The following HECW1 variants were observed in gnomAD, a reference collection of about 807,000 sequenced individuals.
HECW1 encodes the protein HECT, C2 and WW domain containing E3 ubiquitin protein ligase 1, also known as E3 ubiquitin-protein ligase HECW1.
Under a neutral mutation model 182.3 loss-of-function variants are expected in HECW1, and 61 were observed. That is an observed-to-expected ratio of 0.33 (90% CI 0.27 to 0.41). The LOEUF (loss-of-function observed/expected upper bound fraction) is 0.41, where lower values mean the gene tolerates loss of function less well. Among genes scored for constraint, HECW1 ranks in the 10% least tolerant of loss-of-function variants. The pLI is 1.00. For missense variants in HECW1, 1,739 were observed against 2,108.9 expected (o/e 0.82, Z 3.44); for synonymous variants, 859 against 832.6 (o/e 1.03, Z -0.55).
chr7:43,165,766 T>G (rs1583781125), intron 2 of HECW1, among the ~76,000 whole-genome samples: 1 of 152,174 alleles, frequency 6.6e-6, no homozygotes, highest in African/African-American at 2.4e-5. Context: ...TTAAGACAAA[T>G]AAAGTTGAGA....
rs1444999504 is a variant in HECW1, at chr7:43,311,998, A to G, written c.263A>G (p.Tyr88Cys). 6.2e-7 allele frequency: 1 copy of G among 1,613,996 alleles called. No homozygotes were observed. The change falls in exon 4 of 30, where the codon TAT becomes TGT. Residue 88 changes from tyrosine to cysteine, a missense_variant. By Grantham distance (194) the Tyr-to-Cys change is radical. Coordinates refer to ENST00000395891, the MANE Select transcript of HECW1 (RefSeq NM_015052.5). ...ACGCTCATGGTCAGCAGCTCCTACT[A>G]TTCCATCGGGCACTCTCAGGACCTG... is the stretch of plus-strand genomic sequence containing the variant. Reference protein sequence around the residue: ...RSTLMVSSSYYSIGHSQDLVI... With the variant: ...RSTLMVSSSYCSIGHSQDLVI...
chr7:43,245,229 T>A (rs1380683782), intron 3 of HECW1: 1 of 152,164 alleles, frequency 6.6e-6, no homozygotes, highest in Non-Finnish European at 1.5e-5. Context: ...TTTTCACAAC[T>A]CAGAGCTCAG....
At chr7:43,201,596 C>T (rs1226605746) in intron 2 of HECW1, among the ~76,000 whole-genome samples, 19 of 152,236 alleles carry the variant, frequency 1.2e-4, no homozygotes. Flanking sequence ...ACTTAAGGTA[C>T]CCAAGTGGTA....
At position 43,445,357 on chromosome 7, in the gene HECW1, G is replaced by A. The variant is rs369348156; in HGVS notation, c.2185G>A (p.Glu729Lys). 1 of 1,613,770 alleles carries A rather than the reference G, an allele frequency of 6.2e-7. No individual in the cohort carries two copies. The highest frequency in any genetic ancestry group is 8.5e-7 in the Non-Finnish European group (1 of 1,180,028). Residue 729 changes from glutamate (E) to lysine (K), a missense_variant, in exon 11 of 30, where the codon GAG becomes AAG. This residue lies in a region of HECW1 where 971 missense variants were observed against 1,029.1 expected (regional missense o/e 0.94). Coordinates refer to ENST00000395891, the MANE Select transcript of HECW1 (RefSeq NM_015052.5). ...FSSVDSAKIS[E>K]STVFSSQDDE... The stretch of plus-strand genomic sequence containing the variant: ...CTCCGTGGACAGCGCCAAGATCTCC[G>A]AGAGCACGGTCTTCTCCTCGCAAGA...
intron 5 of HECW1, among the ~76,000 whole-genome samples, chr7:43,331,303 G>T (rs1450210194): frequency 1.3e-5 from 2 of 152,030 alleles, no homozygotes. Flanking sequence ...TGTAAGATCG[G>T]GGTGGGGCCA....
intron 3 of HECW1, among the ~76,000 whole-genome samples, chr7:43,296,699 A>G (rs1349194744): frequency 2.6e-5 from 4 of 152,190 alleles, no homozygotes; most frequent in African/African-American, 9.7e-5. Flanking sequence ...CTAATGGAAA[A>G]AAGTAAGGCT....
intron 2 of HECW1, among the ~76,000 whole-genome samples, chr7:43,142,448 A>T (rs1201806745): frequency 1.3e-5 from 2 of 152,138 alleles, no homozygotes; most frequent in Non-Finnish European, 2.9e-5. Context: ...AGCTGGGGGA[A>T]GTTACCTCCT....
At chr7:43,488,456 GAA>G (rs1263974771) in intron 17 of HECW1, among the ~76,000 whole-genome samples, 1 of 145,052 alleles carries the variant, frequency 6.9e-6, no homozygotes, top group African/African-American at 2.6e-5. Context: ...AAGAAAGAAA[GAA>G]AGAAAGAAAG....
chr7:43,407,746 C>A lies in HECW1; in HGVS notation c.801+15C>A. 6.3e-7 allele frequency: 1 copy of A among 1,588,190 alleles called. No individual in the cohort carries two copies. Among genetic ancestry groups the A allele is most frequent in the South Asian group, 1.1e-5 (1 of 88,984 alleles). On this transcript the variant is annotated intron_variant, in intron 8 of 29. Transcript: ENST00000395891. Reference sequence around the variant, plus strand: ...GGCAGGCCGAGGTGAGTGCTGTGGGCCCTGAAAAAAAGCCCAAGTAAAAGT... The same window carrying A: ...GGCAGGCCGAGGTGAGTGCTGTGGGACCTGAAAAAAAGCCCAAGTAAAAGT...
intron 24 of HECW1, among the ~76,000 whole-genome samples, chr7:43,529,925 C>T (rs1251138529): frequency 6.6e-6 from 1 of 151,882 alleles, no homozygotes; most frequent in African/African-American, 2.4e-5. Context: ...CCAGTGAACT[C>T]TTACCACTTT....
chr7:43,453,671 A>G, intron 12 of HECW1, among the ~76,000 whole-genome samples: 1 of 152,252 alleles, frequency 6.6e-6, no homozygotes, highest in African/African-American at 2.4e-5. Context: ...ATCAGGTTCT[A>G]TATTGTTCTT....
intron 7 of HECW1, among the ~76,000 whole-genome samples, chr7:43,401,085 C>T (rs989190097): frequency 6.6e-6 from 1 of 152,214 alleles, no homozygotes; most frequent in Admixed American, 6.5e-5. Context: ...AACTTAATCA[C>T]TCTGCAGAGT....
chr7:43,478,287 G>A (rs1273288822), intron 16 of HECW1, among the ~76,000 whole-genome samples: 1 of 152,122 alleles, frequency 6.6e-6, no homozygotes, highest in African/African-American at 2.4e-5. Flanking sequence ...GTGGGGGTGT[G>A]CACCTGTAAT....
intron 5 of HECW1, among the ~76,000 whole-genome samples, chr7:43,344,200 C>T (rs1278790195): frequency 6.6e-6 from 1 of 151,754 alleles, no homozygotes; most frequent in Non-Finnish European, 1.5e-5. Context: ...TTCTCCCATT[C>T]TGTAGGTTGC....
intron 9 of HECW1, 177 bp downstream of exon 9, chr7:43,438,322 A>C: frequency 1.9e-6 from 1 of 520,014 alleles, no homozygotes; most frequent in Non-Finnish European, 3.3e-6. Context: ...TTGTTATATT[A>C]AACAAACCCA....
chr7:43,453,776 C>T (rs922259487), intron 12 of HECW1, among the ~76,000 whole-genome samples: 3 of 152,148 alleles, frequency 2.0e-5, no homozygotes, highest in East Asian at 3.8e-4. Flanking sequence ...GCCCCAGAAT[C>T]GTGAAGGTAC....
chr7:43,313,548 G>C (rs1808810304), intron 4 of HECW1, among the ~76,000 whole-genome samples: 1 of 152,280 alleles, frequency 6.6e-6, no homozygotes, highest in East Asian at 1.9e-4. Context: ...TGTTGGTCAG[G>C]CTGGTCTCGA....
At chr7:43,404,900 C>T (rs1441734825) in intron 7 of HECW1, among the ~76,000 whole-genome samples, 4 of 152,008 alleles carry the variant, frequency 2.6e-5, no homozygotes, top group Admixed American at 6.5e-5. Flanking sequence ...TGCTTGAACC[C>T]GGGAGGCGGA....
intron 2 of HECW1, among the ~76,000 whole-genome samples, chr7:43,139,817 C>A (rs542120428): frequency 3.0e-4 from 44 of 148,290 alleles, no homozygotes; most frequent in African/African-American, 8.9e-4. Flanking sequence ...GGAAAAAGGG[C>A]AAATTTGGGG....
Sources: allele counts gnomAD v4.1 joint callset (sites outside exome capture counted in the v4.1 genomes callset), GRCh38; gene constraint gnomAD v4.1.1; regional missense constraint gnomAD v4.1.1; transcripts MANE v1.5; gene names NCBI Gene and HGNC (gene_info 2026-07-23, HGNC 2026-07-21).